KIF26B: variants seen among roughly 807,000 people sequenced by gnomAD.
KIF26B encodes kinesin-like protein KIF26B.
KIF26B carries 63 observed loss-of-function variants against 151.2 expected under a neutral mutation model. The observed-to-expected ratio is 0.42, with a 90% CI of 0.34 to 0.51. KIF26B has a LOEUF of 0.51. Among genes scored for constraint, KIF26B ranks in the 20% least tolerant of loss-of-function variants. KIF26B has a pLI of 0.07. For synonymous variants in KIF26B, 1,357 were observed against 1,262.1 expected (o/e 1.08, Z -1.59); for missense variants, 2,813 against 2,913.6 (o/e 0.97, Z 0.79).
At chr1:245,576,871 T>C (rs1349143385) in intron 5 of KIF26B, among the ~76,000 whole-genome samples, 1 of 152,188 alleles carries the variant, frequency 6.6e-6, no homozygotes, top group African/African-American at 2.4e-5. Context: ...AATGAATGCC[T>C]TGTTGGATAC....
chr1:245,497,486 T>C (rs1422639897), intron 4 of KIF26B, among the ~76,000 whole-genome samples: 1 of 151,010 alleles, frequency 6.6e-6, no homozygotes, highest in Non-Finnish European at 1.5e-5. Flanking sequence ...TCAATGACCA[T>C]AAAAATAGAA....
At chr1:245,160,837 T>G (rs942466057) in intron 2 of KIF26B, among the ~76,000 whole-genome samples, 4 of 152,116 alleles carry the variant, frequency 2.6e-5, no homozygotes, top group Non-Finnish European at 4.4e-5. Flanking sequence ...ACGTGGACTC[T>G]AAATAGCCGG....
chr1:245,217,203 C>T (rs1013804523), intron 2 of KIF26B, among the ~76,000 whole-genome samples: 2 of 152,130 alleles, frequency 1.3e-5, no homozygotes, highest in African/African-American at 4.8e-5. Context: ...AAAACAACAA[C>T]AATGACAAGA....
In KIF26B at chr1:245,702,567, G is replaced by A; in HGVS notation, c.6288G>A (p.Met2096Ile). 1 of 1,613,966 alleles carries A rather than the reference G, an allele frequency of 6.2e-7. No individual in the cohort carries two copies. The change falls in exon 15 of 15, where the codon ATG becomes ATA. Residue 2096 changes from methionine to isoleucine, a missense_variant. Met to Ile is a conservative substitution (Grantham distance 10). Around this residue, in one of 3 missense-constraint regions of KIF26B, gnomAD observed 2,060 missense variants for 2,088.6 expected, o/e 0.99. Coordinates refer to ENST00000407071, the MANE Select transcript of KIF26B (RefSeq NM_018012.4). This position sits in a 1 kb window ranked among gnomAD's most constrained non-coding sequence, Gnocchi z 4.1. ...TCAACTTCTGCAAGGCCCATCTCAT[G>A]ATGATCACCTGCTTCGACATCACCT... ...SRVNFCKAHL[M>I]MITCFDITSR...
chr1:245,690,960 C>A (rs2044617459), intron 12 of KIF26B, among the ~76,000 whole-genome samples: 1 of 152,200 alleles, frequency 6.6e-6, no homozygotes, highest in African/African-American at 2.4e-5. Flanking sequence ...CATCTGCCGG[C>A]CTTCCCAGTA....
intron 2 of KIF26B, among the ~76,000 whole-genome samples, chr1:245,293,737 C>T (rs540009331): frequency 6.6e-6 from 1 of 152,172 alleles, no homozygotes; most frequent in East Asian, 1.9e-4. Context: ...TGCCACCATG[C>T]CCGGCTAATT....
chr1:245,471,109 G>T (rs1659902855), intron 4 of KIF26B, among the ~76,000 whole-genome samples: 2 of 146,352 alleles, frequency 1.4e-5, no homozygotes, highest in Admixed American at 1.4e-4. Flanking sequence ...TTTAGATTTT[G>T]ATAGTATGTG....
intron 4 of KIF26B, among the ~76,000 whole-genome samples, chr1:245,504,733 C>T (rs552420547): frequency 1.3e-5 from 2 of 151,910 alleles, no homozygotes; most frequent in Admixed American, 1.3e-4. Flanking sequence ...AGCCACTGTG[C>T]CCAGCCTCTC....
chr1:245,304,686 C>T (rs546286663), intron 2 of KIF26B, among the ~76,000 whole-genome samples: 1 of 151,864 alleles, frequency 6.6e-6, no homozygotes, highest in East Asian at 1.9e-4. Context: ...TCCATCCATC[C>T]ATACGTCCAT....
chr1:245,640,122 G>GCTCCCTCTCTCTCTCT (rs1553299289), intron 9 of KIF26B, among the ~76,000 whole-genome samples: 1 of 53,974 alleles, frequency 1.9e-5, no homozygotes, highest in African/African-American at 7.5e-5. Flanking sequence ...ACTAATATTT[G>GCTCCCTCTCTCTCTCT]CTCTCTCTCT....
intron 2 of KIF26B, among the ~76,000 whole-genome samples, chr1:245,333,612 A>C (rs1672161730): frequency 1.3e-5 from 2 of 152,200 alleles, no homozygotes; most frequent in South Asian, 2.1e-4. Flanking sequence ...TTTATGTTAC[A>C]TTTTTACACA....
chr1:245,230,278 A>G (rs2103554330), intron 2 of KIF26B, among the ~76,000 whole-genome samples: 1 of 152,256 alleles, frequency 6.6e-6, no homozygotes, highest in South Asian at 2.1e-4. Flanking sequence ...TCCCACCAAA[A>G]ACGATGTTAC....
rs775116283 is a variant in KIF26B, at chr1:245,685,450, C to T, written c.2467C>T (p.Arg823Cys). The change falls in exon 12 of 15, where the codon CGC (arginine) becomes TGC (cysteine). Residue 823 changes from arginine to cysteine, a missense_variant. Coordinates refer to ENST00000407071, the MANE Select transcript of KIF26B (RefSeq NM_018012.4). ...CGGGGAGAGCTCCTGCGAAGAAGGC[C>T]GCATGCGCAGGCCCACCCAGCTGAG... is the stretch of plus-strand genomic sequence containing the variant. ...SGGESSCEEG[R>C]MRRPTQLRPF... is the part of the protein sequence containing the mutation. The T allele has an allele frequency of 1.5e-5, 25 of 1,613,408 alleles. No homozygotes were observed. The highest frequency in any genetic ancestry group is 1.9e-5 in the Non-Finnish European group (23 of 1,179,780).
Position 245,602,515 on chromosome 1 carries a change from G to A in KIF26B, c.1351-62G>A, listed in dbSNP as rs2043407373. 5 of 1,316,830 alleles carry A rather than the reference G, an allele frequency of 3.8e-6. No homozygotes were observed. The highest frequency in any genetic ancestry group is 5.4e-6 in the Non-Finnish European group (5 of 932,696). 81.6% of individuals were successfully genotyped at this position (1,316,830 alleles called of 1,614,324 possible). A position where few individuals can be genotyped will look rare whatever the true frequency, so the allele number is the denominator to read the frequency against. ...CATGTATATCGCAGAGTATACAAGG[G>A]TGCTCCATCGTAAAACACCCAGCTG... On this transcript the variant is annotated intron_variant, in intron 5 of 14. Transcript: ENST00000407071. The surrounding 1 kb of genome is among the most constrained non-coding windows in gnomAD (Gnocchi z 4.5).
intron 4 of KIF26B, among the ~76,000 whole-genome samples, chr1:245,491,016 A>G (rs1180890834): frequency 6.6e-6 from 1 of 152,176 alleles, no homozygotes; most frequent in African/African-American, 2.4e-5. Context: ...TCATTTTTTA[A>G]TGGAAAATTT....
At chr1:245,246,960 C>T (rs1030770664) in intron 2 of KIF26B, among the ~76,000 whole-genome samples, 11 of 150,504 alleles carry the variant, frequency 7.3e-5, no homozygotes, top group Non-Finnish European at 1.2e-4. Context: ...CACACACACA[C>T]ACAGACACAG....
intron 4 of KIF26B, among the ~76,000 whole-genome samples, chr1:245,462,489 C>G (rs1659672909): frequency 6.6e-6 from 1 of 152,132 alleles, no homozygotes; most frequent in Non-Finnish European, 1.5e-5. Flanking sequence ...CAAATCAAAG[C>G]CAGAAATAGG....
chr1:245,155,574 C>T, intron 1 of KIF26B, 87 bp downstream of exon 1: 1 of 1,209,184 alleles, frequency 8.3e-7, no homozygotes, highest in Non-Finnish European at 1.2e-6. Flanking sequence ...GCGGCCCCGG[C>T]CCCGAGCTCT....
intron 2 of KIF26B, among the ~76,000 whole-genome samples, chr1:245,283,304 G>C (rs377104317): frequency 6.8e-6 from 1 of 147,654 alleles, no homozygotes; most frequent in Non-Finnish European, 1.5e-5. Flanking sequence ...CCCAATCCGC[G>C]CAAGCCCAAC....
Sources: gnomAD v4.1 joint callset for allele counts (sites outside exome capture counted in the v4.1 genomes callset) on GRCh38, gnomAD v4.1.1 for gene constraint, gnomAD v4.1.1 regional missense constraint, Gnocchi (gnomAD v3.1) non-coding constraint, MANE v1.5 for transcripts, NCBI Gene and HGNC (gene_info 2026-07-23, HGNC 2026-07-21) for gene names.